Variants in PCP4 observed in about 807,000 individuals in gnomAD.
PCP4 encodes the protein calmodulin regulator protein PCP4.
PCP4 carries 8 observed loss-of-function variants against 10.0 expected under a neutral mutation model. That is an observed-to-expected ratio of 0.80 (90% CI 0.47 to 1.45). The LOEUF is 1.45. Ranked by LOEUF, PCP4 falls within the 40% of genes most tolerant of loss-of-function variation. The pLI, the probability that PCP4 is intolerant of heterozygous loss-of-function variation, is 0.00. For synonymous variants in PCP4, 21 were observed against 23.0 expected (o/e 0.91, Z 0.24); for missense variants, 54 against 74.4 (o/e 0.73, Z 1.01).
intron 1 of PCP4, among the ~76,000 whole-genome samples, chr21:39,868,567 C>G (rs1162417412): frequency 1.3e-5 from 2 of 152,190 alleles, no homozygotes; most frequent in African/African-American, 4.8e-5. Flanking sequence ...TGGGAATTCT[C>G]CCACCACCAC....
chr21:39,928,838 G>T, intron 2 of PCP4, 146 bp from the exon 3 acceptor site: 1 of 669,254 alleles, frequency 1.5e-6, no homozygotes. Flanking sequence ...ATTTTACTTT[G>T]CAGATGAGCT....
chr21:39,909,452 C>T (rs1221362804), intron 2 of PCP4, among the ~76,000 whole-genome samples: 1 of 152,180 alleles, frequency 6.6e-6, no homozygotes, highest in Non-Finnish European at 1.5e-5. Context: ...TTGAAAGTTA[C>T]CCCCTTCTCC....
chr21:39,899,764 G>A (rs2087474261), intron 2 of PCP4, among the ~76,000 whole-genome samples: 1 of 152,092 alleles, frequency 6.6e-6, no homozygotes, highest in South Asian at 2.1e-4. Flanking sequence ...GAGTTGGGGT[G>A]GGTGTGTGGG....
intron 1 of PCP4, 98 bp from the exon 2 acceptor site, chr21:39,898,378 G>C (rs1231206459): frequency 1.0e-6 from 1 of 952,632 alleles, no homozygotes; most frequent in South Asian, 1.3e-5. Context: ...CATAGAACTT[G>C]ATATAATGCA....
chr21:39,897,160 C>T (rs925043588), intron 1 of PCP4, among the ~76,000 whole-genome samples: 8 of 151,854 alleles, frequency 5.3e-5, no homozygotes, highest in South Asian at 2.1e-4. Flanking sequence ...GAGGCCGAGG[C>T]GGGTGGATCA....
intron 2 of PCP4, among the ~76,000 whole-genome samples, chr21:39,898,896 A>G (rs2087469945): frequency 6.6e-6 from 1 of 152,222 alleles, no homozygotes; most frequent in Non-Finnish European, 1.5e-5. Context: ...GAAGTACACA[A>G]CTTCTGAAAT....
intron 1 of PCP4, among the ~76,000 whole-genome samples, chr21:39,895,141 TTCCA>T (rs559466500): frequency 7.4e-4 from 111 of 150,960 alleles, no homozygotes; most frequent in African/African-American, 2.1e-3. Context: ...CCATCCATTC[TTCCA>T]TCCATCCATC....
At chr21:39,881,315 A>G (rs2087374528) in intron 1 of PCP4, among the ~76,000 whole-genome samples, 1 of 152,176 alleles carries the variant, frequency 6.6e-6, no homozygotes, top group East Asian at 1.9e-4. Context: ...CTGTTAGAGA[A>G]ACATGTTTGG....
chr21:39,903,694 C>G (rs897003386), intron 2 of PCP4, among the ~76,000 whole-genome samples: 1 of 151,642 alleles, frequency 6.6e-6, no homozygotes, highest in Admixed American at 6.6e-5. Flanking sequence ...CGGTGAAACC[C>G]CGTCTCTACT....
chr21:39,875,734 C>A (rs1433440803), intron 1 of PCP4, among the ~76,000 whole-genome samples: 1 of 152,126 alleles, frequency 6.6e-6, no homozygotes, highest in Non-Finnish European at 1.5e-5. Context: ...TATCAATACT[C>A]CCAAGTTTTT....
chr21:39,873,111 C>A (rs2087328591), intron 1 of PCP4, among the ~76,000 whole-genome samples: 1 of 152,004 alleles, frequency 6.6e-6, no homozygotes, highest in South Asian at 2.1e-4. Flanking sequence ...CAGATAAGCT[C>A]AATGAAACTC....
chr21:39,902,222 A>T (rs1054381486), intron 2 of PCP4, among the ~76,000 whole-genome samples: 2 of 152,228 alleles, frequency 1.3e-5, no homozygotes, highest in African/African-American at 4.8e-5. Context: ...TGAAATTTGG[A>T]TAGTAACACT....
intron 1 of PCP4, among the ~76,000 whole-genome samples, chr21:39,892,098 C>T (rs906412949): frequency 3.3e-5 from 5 of 152,196 alleles, no homozygotes; most frequent in African/African-American, 1.2e-4. Flanking sequence ...GTAACAGGTG[C>T]CTTCCCAGAC....
chr21:39,927,314 C>A (rs111626061), intron 2 of PCP4, among the ~76,000 whole-genome samples: 1 of 117,928 alleles, frequency 8.5e-6, no homozygotes, highest in East Asian at 2.2e-4. Flanking sequence ...ATCTATCTAT[C>A]TATCTATCAT....
chr21:39,897,166 G>A (rs2299759), intron 1 of PCP4, among the ~76,000 whole-genome samples: 1 of 151,974 alleles, frequency 6.6e-6, no homozygotes, highest in Admixed American at 6.6e-5. Context: ...GAGGCGGGTG[G>A]ATCATGGGGT....
chr21:39,913,427 C>A (rs938121606), intron 2 of PCP4, among the ~76,000 whole-genome samples: 7 of 152,210 alleles, frequency 4.6e-5, no homozygotes, highest in Non-Finnish European at 7.3e-5. Flanking sequence ...ACTTACAAAT[C>A]CAGGCACACA....
chr21:39,874,661 CT>C (rs10640411), intron 1 of PCP4, among the ~76,000 whole-genome samples: 189 of 140,368 alleles, frequency 1.3e-3, no homozygotes, highest in Admixed American at 2.8e-3. Flanking sequence ...TTTTCAAGAT[CT>C]TTTTTTTTTT....
intron 2 of PCP4, among the ~76,000 whole-genome samples, chr21:39,928,343 C>T (rs1461512659): frequency 6.6e-6 from 1 of 152,212 alleles, no homozygotes; most frequent in African/African-American, 2.4e-5. Flanking sequence ...TCCTCACCAC[C>T]CCCCACTTTG....
At chr21:39,900,043 C>CT (rs1173225446) in intron 2 of PCP4, among the ~76,000 whole-genome samples, 2 of 151,984 alleles carry the variant, frequency 1.3e-5, no homozygotes, top group South Asian at 2.1e-4. Flanking sequence ...TGATTCTCAA[C>CT]TTTTTTTTGA....
Sources: allele counts gnomAD v4.1 joint callset (sites outside exome capture counted in the v4.1 genomes callset), GRCh38; gene constraint gnomAD v4.1.1; transcripts MANE v1.5; gene names NCBI Gene and HGNC (gene_info 2026-07-23, HGNC 2026-07-21).